PRKG1: variants seen among roughly 807,000 people sequenced by gnomAD.
The protein encoded by PRKG1 is cGMP-dependent protein kinase 1.
Under a neutral mutation model 88.1 loss-of-function variants are expected in PRKG1, and 35 were observed. The observed-to-expected ratio is 0.40, with a 90% CI of 0.30 to 0.53. The LOEUF (loss-of-function observed/expected upper bound fraction) is 0.53. PRKG1 is among the 20% of genes least tolerant of loss of function. PRKG1 has a pLI of 0.59. For synonymous variants in PRKG1, 303 were observed against 292.5 expected (o/e 1.04, Z -0.37); for missense variants, 540 against 839.8 (o/e 0.64, Z 4.41).
intron 1 of PRKG1, among the ~76,000 whole-genome samples, chr10:50,999,795 C>A (rs1242648040): frequency 5.9e-5 from 9 of 152,176 alleles, no homozygotes; most frequent in East Asian, 3.9e-4. Flanking sequence ...CACCAAGGTA[C>A]TTGGCTACAT....
intron 2 of PRKG1, among the ~76,000 whole-genome samples, chr10:51,198,183 A>T (rs74706391): frequency 6.6e-6 from 1 of 152,136 alleles, no homozygotes; most frequent in African/African-American, 2.4e-5. Flanking sequence ...ATTAGATCTT[A>T]TTTATATGGA....
At chr10:51,968,871 G>T (rs2133085477) in intron 5 of PRKG1, among the ~76,000 whole-genome samples, 1 of 149,428 alleles carries the variant, frequency 6.7e-6, no homozygotes, top group South Asian at 2.1e-4. Context: ...ATTAAAAATT[G>T]TTCATCCCAA....
chr10:51,714,786 A>G lies in PRKG1; in HGVS notation c.593-89799A>G, dbSNP rs537790862. On this transcript the variant is annotated intron_variant, in intron 3 of 17. Coordinates refer to ENST00000373980, the MANE Select transcript of PRKG1 (RefSeq NM_006258.4). ...TTCATTGTTTGTACTCACGAAATGC[A>G]GGAAACAACCTAAATATATATTAAC... Among the ~76,000 whole-genome samples the G allele has an allele frequency of 1.8e-4, 28 of 152,376 alleles. 1 individual carries two copies. In the South Asian group the frequency reaches 2.3e-3, roughly 12 times the overall value.
intron 3 of PRKG1, among the ~76,000 whole-genome samples, chr10:51,703,481 A>G (rs1269563483): frequency 2.0e-5 from 3 of 152,132 alleles, no homozygotes; most frequent in African/African-American, 4.8e-5. Flanking sequence ...TATACCTTGT[A>G]CCTTTCTGAT....
chr10:52,172,524 A>G (rs1838729926), intron 9 of PRKG1, among the ~76,000 whole-genome samples: 1 of 152,222 alleles, frequency 6.6e-6, no homozygotes, highest in African/African-American at 2.4e-5. Flanking sequence ...TTGATATATA[A>G]AGCCTATTTA....
intron 2 of PRKG1, among the ~76,000 whole-genome samples, chr10:51,386,702 A>AC (rs879779483): frequency 1.3e-5 from 2 of 152,126 alleles, no homozygotes; most frequent in African/African-American, 2.4e-5. Flanking sequence ...TCAGAGACAC[A>AC]CCCAAAAAAT....
chr10:51,126,822 A>G (rs1260435011), intron 1 of PRKG1, among the ~76,000 whole-genome samples: 1 of 152,170 alleles, frequency 6.6e-6, no homozygotes, highest in Non-Finnish European at 1.5e-5. Context: ...GTCTACAACC[A>G]TCTGATCTTC....
chr10:52,291,245 T>A (rs1024955272), intron 17 of PRKG1, among the ~76,000 whole-genome samples: 4 of 59,838 alleles, frequency 6.7e-5, no homozygotes, highest in Non-Finnish European at 1.2e-4. Context: ...TTTATTTTTT[T>A]ATTTTTTTAT....
intron 2 of PRKG1, among the ~76,000 whole-genome samples, chr10:51,227,034 AAT>A (rs140608573): frequency 0.061 from 9,222 of 152,014 alleles, 350 homozygotes; most frequent in African/African-American, 0.099. Flanking sequence ...ATAAGTAGAT[AAT>A]ATGTCTCCAT....
chr10:52,188,985 A>G (rs951163184), intron 9 of PRKG1, among the ~76,000 whole-genome samples: 2 of 152,228 alleles, frequency 1.3e-5, no homozygotes, highest in African/African-American at 2.4e-5. Context: ...GAAACTTAAA[A>G]TCTAATAAGA....
intron 3 of PRKG1, among the ~76,000 whole-genome samples, chr10:51,788,197 G>A (rs895779484): frequency 2.6e-5 from 4 of 152,106 alleles, no homozygotes; most frequent in Admixed American, 2.6e-4. Context: ...ATTCCACTGT[G>A]TCTTTCACCT....
chr10:51,789,937 T>C (rs1047277496), intron 3 of PRKG1, among the ~76,000 whole-genome samples: 10 of 152,056 alleles, frequency 6.6e-5, no homozygotes, highest in Admixed American at 2.6e-4. Flanking sequence ...TTCTTCTGCC[T>C]CAGCCTCCCA....
At chr10:51,676,576 C>G (rs79331240) in intron 3 of PRKG1, among the ~76,000 whole-genome samples, 22,333 of 152,054 alleles carry the variant, frequency 0.15, 1,889 homozygotes, top group Non-Finnish European at 0.2. Context: ...AACCAATCAG[C>G]AGCATTCTTT....
chr10:51,756,659 A>C (rs896597191), intron 3 of PRKG1, among the ~76,000 whole-genome samples: 8 of 151,902 alleles, frequency 5.3e-5, no homozygotes, highest in African/African-American at 1.7e-4. Flanking sequence ...ACTAAAATAC[A>C]AAAACATTAG....
chr10:51,716,854 G>A (rs548287794), intron 3 of PRKG1, among the ~76,000 whole-genome samples: 93 of 152,178 alleles, frequency 6.1e-4, no homozygotes, highest in African/African-American at 1.9e-3. Flanking sequence ...CACCACGCCC[G>A]CCTGGCTAAC....
intron 5 of PRKG1, among the ~76,000 whole-genome samples, chr10:51,940,057 C>G (rs557467029): frequency 1.3e-5 from 2 of 151,904 alleles, no homozygotes; most frequent in South Asian, 4.2e-4. Context: ...GCCCCTAGTC[C>G]CCACCAGAAA....
chr10:51,604,092 T>C (rs984739231), intron 3 of PRKG1, among the ~76,000 whole-genome samples: 1 of 149,308 alleles, frequency 6.7e-6, no homozygotes, highest in African/African-American at 2.4e-5. Context: ...TCCCTGCCTT[T>C]TTTTTTTTTT....
chr10:51,818,207 G>C (rs1006542388), intron 4 of PRKG1, among the ~76,000 whole-genome samples: 6 of 152,104 alleles, frequency 3.9e-5, no homozygotes, highest in African/African-American at 1.4e-4. Context: ...ACCAGTGCAA[G>C]GAGATTGGAG....
intron 6 of PRKG1, among the ~76,000 whole-genome samples, chr10:52,061,495 G>T (rs1330239243): frequency 6.6e-6 from 1 of 152,076 alleles, no homozygotes; most frequent in Non-Finnish European, 1.5e-5. Context: ...TGAGGGAGAA[G>T]TGAATTAACA....
Sources: allele counts gnomAD v4.1 joint callset (sites outside exome capture counted in the v4.1 genomes callset), GRCh38; gene constraint gnomAD v4.1.1; transcripts MANE v1.5; gene names NCBI Gene and HGNC (gene_info 2026-07-23, HGNC 2026-07-21).